IL1RAPL2: variants seen among roughly 807,000 people sequenced by gnomAD.
IL1RAPL2 encodes X-linked interleukin-1 receptor accessory protein-like 2.
IL1RAPL2 carries 3 observed loss-of-function variants against 44.1 expected under a neutral mutation model. The ratio of observed to expected loss-of-function variants is 0.07; its 90% confidence interval spans 0.03 to 0.18. The LOEUF (loss-of-function observed/expected upper bound fraction) is 0.18, where lower values mean the gene tolerates loss of function less well. IL1RAPL2 is among the 10% of genes least tolerant of loss of function. IL1RAPL2 has a pLI of 1.00. For missense variants in IL1RAPL2, 391 were observed against 496.4 expected, an observed-to-expected ratio of 0.79 and a Z score of 2.02; for synonymous variants, 181 against 178.8, an observed-to-expected ratio of 1.01 and a Z score of -0.10.
chrX:105,392,340 A>T (rs1444975914), intron 5 of IL1RAPL2, among the ~76,000 whole-genome samples: 1 of 109,925 alleles, frequency 9.1e-6, no homozygotes, highest in Non-Finnish European at 1.9e-5. Context: ...GTACAGAAAG[A>T]TCTTTGTGTT....
chrX:104,570,875 A>G (rs1326007897), intron 1 of IL1RAPL2, among the ~76,000 whole-genome samples: 11 of 110,270 alleles, frequency 1.0e-4, no homozygotes, highest in Middle Eastern at 4.7e-3. Flanking sequence ...TTATTCCTGT[A>G]TTTGGGTGTT....
chrX:104,692,811 G>T (rs191923572), intron 2 of IL1RAPL2, among the ~76,000 whole-genome samples: 7 of 111,753 alleles, frequency 6.3e-5, no homozygotes, highest in Non-Finnish European at 1.3e-4. Context: ...ACATACGTGT[G>T]CATGTGTCTT....
intron 5 of IL1RAPL2, among the ~76,000 whole-genome samples, chrX:105,289,893 T>G (rs1223752406): frequency 9.0e-6 from 1 of 111,328 alleles, no homozygotes; most frequent in Non-Finnish European, 1.9e-5. Context: ...CATGCCAGCA[T>G]TAGAGGCTGG....
intron 6 of IL1RAPL2, among the ~76,000 whole-genome samples, chrX:105,566,453 C>A (rs903270950): frequency 7.2e-5 from 8 of 111,561 alleles, no homozygotes; most frequent in African/African-American, 2.6e-4. Flanking sequence ...CCCTCCCAAG[C>A]CATCTGCTCT....
At chrX:104,708,146 C>T (rs775063978) in intron 2 of IL1RAPL2, among the ~76,000 whole-genome samples, 28 of 111,945 alleles carry the variant, frequency 2.5e-4, no homozygotes, top group African/African-American at 9.1e-4. Context: ...GAAGTTACAG[C>T]TTCTTTCAAT....
At chrX:104,937,338 A>G (rs988870213) in intron 2 of IL1RAPL2, among the ~76,000 whole-genome samples, 1 of 112,476 alleles carries the variant, frequency 8.9e-6, no homozygotes, top group Non-Finnish European at 1.9e-5. Context: ...GTAAGTGAGT[A>G]GCTTTCCTCC....
chrX:105,576,671 C>G (rs1330683462), intron 6 of IL1RAPL2, among the ~76,000 whole-genome samples: 3 of 111,535 alleles, frequency 2.7e-5, no homozygotes, highest in Non-Finnish European at 5.7e-5. Context: ...CCTACATGAC[C>G]CTACTACCTG....
At chrX:105,207,677 T>C (rs2033775046) in intron 3 of IL1RAPL2, among the ~76,000 whole-genome samples, 1 of 111,972 alleles carries the variant, frequency 8.9e-6, no homozygotes, top group African/African-American at 3.2e-5. Flanking sequence ...TGTAATTTAA[T>C]TAAACTAGCA....
chrX:105,508,836 G>A (rs1239190596), intron 6 of IL1RAPL2, among the ~76,000 whole-genome samples: 2 of 111,206 alleles, frequency 1.8e-5, no homozygotes, highest in African/African-American at 6.5e-5. Flanking sequence ...TTAAATCACA[G>A]TAAAACCACA....
chrX:104,665,018 T>C (rs1434863583), intron 2 of IL1RAPL2, among the ~76,000 whole-genome samples: 1 of 111,393 alleles, frequency 9.0e-6, no homozygotes, highest in Non-Finnish European at 1.9e-5. Flanking sequence ...GTCAGAGTGA[T>C]ATGTTCAAAA....
intron 2 of IL1RAPL2, among the ~76,000 whole-genome samples, chrX:105,033,799 G>T (rs1212919584): frequency 8.9e-6 from 1 of 111,869 alleles, no homozygotes; most frequent in Admixed American, 9.5e-5. Flanking sequence ...AGTTCTCCTG[G>T]ATTATATCCT....
At chrX:104,931,985 T>TAC (rs1924914268) in intron 2 of IL1RAPL2, among the ~76,000 whole-genome samples, 1 of 37,175 alleles carries the variant, frequency 2.7e-5, no homozygotes, top group South Asian at 3.1e-3. Context: ...TTTGTATATA[T>TAC]ATATATATAT....
chrX:104,674,571 G>T (rs1163762815), intron 2 of IL1RAPL2, among the ~76,000 whole-genome samples: 2 of 111,000 alleles, frequency 1.8e-5, no homozygotes, highest in African/African-American at 6.6e-5. Context: ...TTTTTATTGT[G>T]TCTCTGCCTG....
Position 105,220,312 on chromosome X carries a change from G to A in IL1RAPL2, c.357-13506G>A, listed in dbSNP as rs372838212. Reference sequence around the variant, plus strand: ...CTCAAGATAGAACTCGGGGCCTTTCGTGTGCCTGGCCATTTTCTCGTTGAT... The same window carrying A: ...CTCAAGATAGAACTCGGGGCCTTTCATGTGCCTGGCCATTTTCTCGTTGAT... On this transcript the variant is annotated intron_variant, in intron 3 of 10. Coordinates refer to ENST00000372582, the MANE Select transcript of IL1RAPL2 (RefSeq NM_017416.2). The A allele has an allele frequency of 1.5e-5, 18 of 1,209,852 alleles. 1 individual carries two copies. The Admixed American group carries it at 3.0e-4, about 20-fold the overall frequency.
At chrX:104,944,803 A>G (rs1403173851) in intron 2 of IL1RAPL2, among the ~76,000 whole-genome samples, 3 of 111,378 alleles carry the variant, frequency 2.7e-5, no homozygotes, top group Non-Finnish European at 5.7e-5. Context: ...TCTTCTGTAT[A>G]TATCTTAGAG....
chrX:105,327,660 T>G (rs1222626325), intron 5 of IL1RAPL2, among the ~76,000 whole-genome samples: 1 of 111,748 alleles, frequency 8.9e-6, no homozygotes, highest in Non-Finnish European at 1.9e-5. Flanking sequence ...GGGAGTTTAC[T>G]GAGTGGGAAG....
intron 2 of IL1RAPL2, among the ~76,000 whole-genome samples, chrX:104,663,095 G>T (rs1458894126): frequency 8.9e-6 from 1 of 112,063 alleles, no homozygotes; most frequent in Non-Finnish European, 1.9e-5. Context: ...GAACCACTCA[G>T]TTCCACGTAA....
chrX:105,312,531 A>G (rs774743770), intron 5 of IL1RAPL2, among the ~76,000 whole-genome samples: 3 of 111,939 alleles, frequency 2.7e-5, no homozygotes, highest in Non-Finnish European at 5.7e-5. Flanking sequence ...TTAGATACAG[A>G]AATAGTTGGT....
At chrX:104,765,351 A>G (rs1435254992) in intron 2 of IL1RAPL2, among the ~76,000 whole-genome samples, 1 of 111,758 alleles carries the variant, frequency 8.9e-6, no homozygotes, top group Non-Finnish European at 1.9e-5. Flanking sequence ...TATCCAAAAA[A>G]CGTTTGAATC....
Sources: allele counts gnomAD v4.1 joint callset (sites outside exome capture counted in the v4.1 genomes callset), GRCh38; gene constraint gnomAD v4.1.1; transcripts MANE v1.5; gene names NCBI Gene and HGNC (gene_info 2026-07-23, HGNC 2026-07-21).